Variants in PCDHGA1 observed in about 807,000 individuals in gnomAD.
The protein encoded by PCDHGA1 is protocadherin gamma subfamily A, 1.
PCDHGA1 carries 32 observed loss-of-function variants against 58.0 expected under a neutral mutation model. That is an observed-to-expected ratio of 0.55 (90% CI 0.42 to 0.74). The LOEUF is 0.74. Ranked by LOEUF, PCDHGA1 falls within the 30% of genes least tolerant of loss-of-function variation. The pLI, the probability that PCDHGA1 is intolerant of heterozygous loss-of-function variation, is 0.00. For missense variants in PCDHGA1, 1,205 were observed against 1,182.3 expected (o/e 1.02, Z -0.28); for synonymous variants, 498 against 501.1 (o/e 0.99, Z 0.08).
chr5:141,410,329 G>T, intron 1 of PCDHGA1: 1 of 1,613,982 alleles, frequency 6.2e-7, no homozygotes, highest in African/African-American at 1.3e-5. Context: ...CCGTGATTCT[G>T]GCCATTGCCT....
At chr5:141,386,334 G>A (rs1220929803) in intron 1 of PCDHGA1, among the ~76,000 whole-genome samples, 1 of 152,008 alleles carries the variant, frequency 6.6e-6, no homozygotes, top group Non-Finnish European at 1.5e-5. Context: ...ATCCAGAAGG[G>A]GTGGATGACA....
chr5:141,343,938 G>A, intron 1 of PCDHGA1: 1 of 1,155,512 alleles, frequency 8.7e-7, no homozygotes, highest in African/African-American at 1.6e-5. Flanking sequence ...CTGTGAATTA[G>A]GCCCGTAAAA....
chr5:141,500,184 T>TTTTA (rs58019021), intron 2 of PCDHGA1, among the ~76,000 whole-genome samples: 28,743 of 135,782 alleles, frequency 0.21, 3,285 homozygotes, highest in African/African-American at 0.3. Context: ...TCATTTTTAT[T>TTTTA]TTTATTTATT....
chr5:141,426,691 G>A, intron 1 of PCDHGA1: 1 of 435,886 alleles, frequency 2.3e-6, no homozygotes, highest in South Asian at 1.6e-5. Context: ...CCCCAAAATA[G>A]CATTGTTTTA....
chr5:141,412,416 G>A (rs897228706), intron 1 of PCDHGA1: 1 of 152,162 alleles, frequency 6.6e-6, no homozygotes, highest in Non-Finnish European at 1.5e-5. Flanking sequence ...GATAAAGTAT[G>A]TTTTACACAA....
chr5:141,413,541 GATAGAA>G (rs2095653692), intron 1 of PCDHGA1: 1 of 1,613,904 alleles, frequency 6.2e-7, no homozygotes, highest in Non-Finnish European at 8.5e-7. Flanking sequence ...AACTTTTTGG[GATAGAA>G]ATAGAAGTAA....
intron 1 of PCDHGA1, chr5:141,427,054 C>T (rs1235803553): frequency 4.4e-6 from 2 of 457,580 alleles, no homozygotes; most frequent in Admixed American, 4.7e-5. Context: ...CCCCCAGGCA[C>T]CTCTGTACTA....
intron 1 of PCDHGA1, among the ~76,000 whole-genome samples, chr5:141,446,882 G>A (rs1419213225): frequency 1.3e-5 from 2 of 152,086 alleles, no homozygotes; most frequent in African/African-American, 4.8e-5. Flanking sequence ...TATGTTTTGG[G>A]GTTCATGGCT....
chr5:141,395,248 T>G lies in PCDHGA1; in HGVS notation c.2421+62143T>G, dbSNP rs1300416039. The G allele has an allele frequency of 4.5e-6, 7 of 1,561,360 alleles. No individual in the cohort carries two copies. In the Admixed American group the frequency reaches 1.4e-4, roughly 31 times the overall value. On this transcript the variant is annotated intron_variant, in intron 1 of 3. Transcript: ENST00000517417. ...GCTGATCATGGTCAGGTGAGTTTAG[T>G]TCTTTGCTTGCTTTTAATTTCCAGA...
At chr5:141,340,265 C>T (rs1194744792) in intron 1 of PCDHGA1, 1 of 1,614,190 alleles carries the variant, frequency 6.2e-7, no homozygotes, top group East Asian at 2.2e-5. Flanking sequence ...GAACCCCTCC[C>T]TGTCCACGGA....
chr5:141,418,419 A>G (rs1181055959), intron 1 of PCDHGA1: 1 of 1,613,900 alleles, frequency 6.2e-7, no homozygotes, highest in Non-Finnish European at 8.5e-7. Flanking sequence ...GACAATCCTG[A>G]TGGTGGCAAA....
Position 141,332,924 on chromosome 5 carries a change from G to C in PCDHGA1, c.2240G>C (p.Arg747Pro), listed in dbSNP as rs755327184. The change falls in exon 1 of 4, where the codon CGG (arginine) becomes CCG (proline). Residue 747 changes from arginine to proline, a missense_variant. Coordinates refer to ENST00000517417, the MANE Select transcript of PCDHGA1 (RefSeq NM_018912.3). The surrounding 1 kb of genome is among the most constrained non-coding windows in gnomAD (Gnocchi z 4.6). ...CACTTTGTGGGCGTGGACGGGGTTC[G>C]GGCTTTCCTGCAGACCTATTCCCAC... ...GSHFVGVDGV[R>P]AFLQTYSHEV... The C allele has an allele frequency of 1.2e-6, 2 of 1,614,194 alleles. No homozygotes were observed. Among genetic ancestry groups the C allele is most frequent in the East Asian group, 2.2e-5 (1 of 44,878 alleles).
At chr5:141,430,206 TTATTA>T (rs1267858049) in intron 1 of PCDHGA1, among the ~76,000 whole-genome samples, 2 of 151,984 alleles carry the variant, frequency 1.3e-5, no homozygotes, top group African/African-American at 4.8e-5. Flanking sequence ...AAAGTTTAAA[TTATTA>T]TATTATATGA....
At position 141,512,350 on chromosome 5, in the gene PCDHGA1, G is replaced by C. The variant is rs1406428686; in HGVS notation, c.*1177G>C. ...CCATTCTTAGTCCCTGGGTTGGGGA[G>C]GCAGGGAGCTAGGGCAGGGACCAAA... is the stretch of plus-strand genomic sequence containing the variant. On this transcript the variant is annotated 3_prime_UTR_variant, in exon 4 of 4. Transcript: ENST00000517417. The C allele has an allele frequency of 6.5e-6, 1 of 152,906 alleles. No homozygotes were observed. The highest frequency in any genetic ancestry group is 1.9e-4 in the East Asian group (1 of 5,208). 9.5% of individuals were successfully genotyped at this position (152,906 alleles called of 1,614,324 possible).
chr5:141,405,059 G>A (rs374581472), intron 1 of PCDHGA1: 22 of 1,613,900 alleles, frequency 1.4e-5, no homozygotes, highest in Non-Finnish European at 1.9e-5. Flanking sequence ...CGTCTCCTGT[G>A]TCTTCCTCAC....
At chr5:141,345,445 T>G in intron 1 of PCDHGA1, 2 of 1,613,958 alleles carry the variant, frequency 1.2e-6, no homozygotes, top group Non-Finnish European at 1.7e-6. Flanking sequence ...GGAGCCTCCA[T>G]CTTCTCAGTG....
At chr5:141,336,526 G>C (rs62378405) in intron 1 of PCDHGA1, among the ~76,000 whole-genome samples, 2 of 152,092 alleles carry the variant, frequency 1.3e-5, no homozygotes, top group African/African-American at 4.8e-5. Flanking sequence ...ATTTCAATAA[G>C]GAAGGAGCCA....
chr5:141,351,140 A>G (rs1758654842), intron 1 of PCDHGA1: 1 of 1,613,922 alleles, frequency 6.2e-7, no homozygotes, highest in Non-Finnish European at 8.5e-7. Flanking sequence ...CAATCCAAAT[A>G]CTGGCGACAT....
chr5:141,405,477 T>A, intron 1 of PCDHGA1: 1 of 1,025,232 alleles, frequency 9.8e-7, no homozygotes, highest in Non-Finnish European at 1.4e-6. Context: ...TGGAATGCAG[T>A]GGTGTGATCT....
Sources: gnomAD v4.1 joint callset for allele counts (sites outside exome capture counted in the v4.1 genomes callset) on GRCh38, gnomAD v4.1.1 for gene constraint, Gnocchi (gnomAD v3.1) non-coding constraint, MANE v1.5 for transcripts, NCBI Gene and HGNC (gene_info 2026-07-23, HGNC 2026-07-21) for gene names.